PPM1H: variants seen among roughly 807,000 people sequenced by gnomAD.
PPM1H encodes protein phosphatase 1H.
A neutral mutation model predicts 54.9 loss-of-function variants in PPM1H; 27 were observed. The observed-to-expected ratio is 0.49, with a 90% CI of 0.36 to 0.68. PPM1H has a LOEUF of 0.68. PPM1H is among the 30% of genes least tolerant of loss of function. PPM1H has a pLI of 0.00. For synonymous variants in PPM1H, 305 were observed against 270.8 expected (o/e 1.13, Z -1.24); for missense variants, 596 against 667.8 (o/e 0.89, Z 1.19).
chr12:62,914,235 C>T (rs778001676), intron 1 of PPM1H, among the ~76,000 whole-genome samples: 1 of 152,188 alleles, frequency 6.6e-6, no homozygotes, highest in Non-Finnish European at 1.5e-5. Context: ...CACCTCCTTT[C>T]CTCTCTTGCC....
chr12:62,926,175 A>T (rs1871966135), intron 1 of PPM1H, among the ~76,000 whole-genome samples: 1 of 152,214 alleles, frequency 6.6e-6, no homozygotes, highest in African/African-American at 2.4e-5. Flanking sequence ...TGTTGGTGGC[A>T]TGGAGAAGTC....
intron 8 of PPM1H, among the ~76,000 whole-genome samples, chr12:62,679,942 T>C (rs2076009667): frequency 6.6e-6 from 1 of 152,228 alleles, no homozygotes; most frequent in South Asian, 2.1e-4. Flanking sequence ...ACCCTCAAGA[T>C]TGCACAGCAG....
At chr12:62,706,087 A>G (rs1007023179) in intron 6 of PPM1H, among the ~76,000 whole-genome samples, 2 of 152,214 alleles carry the variant, frequency 1.3e-5, no homozygotes, top group Non-Finnish European at 2.9e-5. Flanking sequence ...CCTATGCTAC[A>G]TCATTTCAAG....
At chr12:62,850,645 A>T (rs1396936213) in intron 1 of PPM1H, 1 of 148,510 alleles carries the variant, frequency 6.7e-6, no homozygotes, top group African/African-American at 2.4e-5. Flanking sequence ...ATATATAAAG[A>T]TATATTTTAA....
At chr12:62,864,912 A>C (rs1381602770) in intron 1 of PPM1H, among the ~76,000 whole-genome samples, 1 of 152,218 alleles carries the variant, frequency 6.6e-6, no homozygotes, top group Non-Finnish European at 1.5e-5. Context: ...GCCTCAATAG[A>C]CTATTTTAGG....
intron 1 of PPM1H, among the ~76,000 whole-genome samples, chr12:62,852,497 T>G (rs1869233118): frequency 6.6e-6 from 1 of 152,146 alleles, no homozygotes; most frequent in Admixed American, 6.5e-5. Context: ...TACCACTCAG[T>G]CTGCGATACT....
chr12:62,850,891 C>T (rs1418100119), intron 1 of PPM1H: 1 of 151,536 alleles, frequency 6.6e-6, no homozygotes, highest in Non-Finnish European at 1.5e-5. Flanking sequence ...TCTCCCCTGC[C>T]AGGTAAGAAT....
chr12:62,781,799 A>G (rs1029317537), intron 4 of PPM1H, among the ~76,000 whole-genome samples: 4 of 152,158 alleles, frequency 2.6e-5, no homozygotes, highest in African/African-American at 9.7e-5. Flanking sequence ...CTGATGGGAA[A>G]AGTACAGACT....
intron 1 of PPM1H, among the ~76,000 whole-genome samples, chr12:62,854,825 A>T (rs79138628): frequency 0.03 from 4,608 of 151,364 alleles, 86 homozygotes; most frequent in Middle Eastern, 0.069. Context: ...AAGCAATATT[A>T]AAAAAAAACA....
At position 62,673,715 on chromosome 12, in the gene PPM1H, C is replaced by CTTTTTTTTTTTTTTTTTT. The variant is rs567775927; in HGVS notation, c.1246-6404_1246-6387dup. Reference sequence around the variant, plus strand: ...GCTTTGTGACTTGAGAAGAGCCACTCTTTTTTTTTTTTTTTTTTTTTTTTT... The same window carrying CTTTTTTTTTTTTTTTTTT: ...GCTTTGTGACTTGAGAAGAGCCACTCTTTTTTTTTTTTTTTTTTTTTTTTTTTTTTTTTTTTTTTTTTT... On this transcript the variant is annotated intron_variant, in intron 8 of 9. Coordinates refer to ENST00000228705, the MANE Select transcript of PPM1H (RefSeq NM_020700.2). Among the ~76,000 whole-genome samples, 77 of 41,968 alleles carry CTTTTTTTTTTTTTTTTTT rather than the reference C, an allele frequency of 1.8e-3. 17 individuals are homozygous for CTTTTTTTTTTTTTTTTTT. Among genetic ancestry groups the CTTTTTTTTTTTTTTTTTT allele is most frequent in the Admixed American group, 3.3e-3 (7 of 2,136 alleles). 27.5% of individuals were successfully genotyped at this position (41,968 alleles called of 152,430 possible).
Position 62,832,174 on chromosome 12 carries a change from G to C in PPM1H, c.351C>G (p.Asn117Lys), listed in dbSNP as rs1565803028. The C allele has an allele frequency of 6.2e-7, 1 of 1,613,884 alleles. No homozygotes were observed. The highest frequency in any genetic ancestry group is 1.3e-5 in the African/African-American group (1 of 75,034). Residue 117 changes from asparagine (N) to lysine (K), a missense_variant, in exon 2 of 10, where the codon AAC becomes AAG. Physicochemically the swap from Asn to Lys is moderately conservative, Grantham distance 94. Coordinates refer to ENST00000228705, the MANE Select transcript of PPM1H (RefSeq NM_020700.2). ...AGAVTSTPNR[N>K]SSKRRSSLPN... ...GAAGGGAGGACCGTCTCTTGGATGAGTTCCTGTTTGGGGTTGAGGTCACGG... is the reference window on the plus strand; with the variant it reads ...GAAGGGAGGACCGTCTCTTGGATGACTTCCTGTTTGGGGTTGAGGTCACGG...
At chr12:62,876,182 G>C (rs1408668506) in intron 1 of PPM1H, among the ~76,000 whole-genome samples, 1 of 152,184 alleles carries the variant, frequency 6.6e-6, no homozygotes, top group East Asian at 1.9e-4. Context: ...ATCAATAAAA[G>C]GCATGGATTT....
At chr12:62,689,849 G>T in intron 7 of PPM1H, 43 bp from the exon 8 acceptor site, 1 of 1,380,692 alleles carries the variant, frequency 7.2e-7, no homozygotes, top group South Asian at 1.2e-5. Context: ...CGCACACAGT[G>T]AAAGCATCCC....
intron 1 of PPM1H, among the ~76,000 whole-genome samples, chr12:62,873,782 T>A (rs1329772811): frequency 6.6e-6 from 1 of 152,184 alleles, no homozygotes; most frequent in East Asian, 1.9e-4. Flanking sequence ...CCTATAAATT[T>A]GCCAGTTTGT....
At chr12:62,702,570 G>GAGAA (rs1555190176) in intron 6 of PPM1H, among the ~76,000 whole-genome samples, 1 of 152,042 alleles carries the variant, frequency 6.6e-6, no homozygotes, top group East Asian at 1.9e-4. Flanking sequence ...GAGAGAGAGA[G>GAGAA]AGAGAGAGAG....
At chr12:62,849,667 G>A (rs1869106235) in intron 1 of PPM1H, among the ~76,000 whole-genome samples, 1 of 152,120 alleles carries the variant, frequency 6.6e-6, no homozygotes, top group African/African-American at 2.4e-5. Flanking sequence ...GTGGCCACTG[G>A]TAAGGACTAT....
chr12:62,768,810 A>T (rs2120640620), intron 4 of PPM1H, among the ~76,000 whole-genome samples: 1 of 152,198 alleles, frequency 6.6e-6, no homozygotes, highest in Non-Finnish European at 1.5e-5. Context: ...GAGGAGGTGG[A>T]ACAAAGAACA....
At chr12:62,898,039 C>T (rs2121104754) in intron 1 of PPM1H, among the ~76,000 whole-genome samples, 1 of 152,260 alleles carries the variant, frequency 6.6e-6, no homozygotes, top group Admixed American at 6.5e-5. Context: ...CCAGCCCAGC[C>T]CAGCTTGGGG....
intron 1 of PPM1H, among the ~76,000 whole-genome samples, chr12:62,921,158 C>T (rs930918573): frequency 2.0e-5 from 3 of 152,020 alleles, no homozygotes; most frequent in African/African-American, 7.3e-5. Context: ...CTCCTGATCT[C>T]AGGTGATCCA....
Sources: allele counts gnomAD v4.1 joint callset (sites outside exome capture counted in the v4.1 genomes callset), GRCh38; gene constraint gnomAD v4.1.1; transcripts MANE v1.5; gene names NCBI Gene and HGNC (gene_info 2026-07-23, HGNC 2026-07-21).